The following SGCD variants were observed in gnomAD, a reference collection of about 807,000 sequenced individuals.
SGCD encodes the protein delta-sarcoglycan.
Under a neutral mutation model 36.6 loss-of-function variants are expected in SGCD, and 18 were observed. The ratio of observed to expected loss-of-function variants is 0.49; its 90% CI spans 0.34 to 0.73. The LOEUF is 0.73. Ranked by LOEUF, SGCD falls within the 30% of genes least tolerant of loss-of-function variation. The pLI, the probability that SGCD is intolerant of heterozygous loss-of-function variation, is 0.01. For missense variants in SGCD, 387 were observed against 346.7 expected (o/e 1.12, Z -0.92); for synonymous variants, 133 against 130.6 (o/e 1.02, Z -0.12).
chr5:155,847,203 C>G, the SGCD span, among the ~76,000 whole-genome samples: 1 of 152,132 alleles, frequency 6.6e-6, no homozygotes, highest in East Asian at 1.9e-4. Context: ...TCATGTAATT[C>G]TTAAAACAGC....
intron 1 of SGCD, among the ~76,000 whole-genome samples, chr5:155,986,239 T>A (rs1028211023): frequency 2.0e-5 from 3 of 152,208 alleles, no homozygotes; most frequent in African/African-American, 7.2e-5. Context: ...TCACTTAAAA[T>A]ATCCATTTGC....
chr5:156,465,330 G>T (rs750324768), intron 3 of SGCD, among the ~76,000 whole-genome samples: 8 of 152,166 alleles, frequency 5.3e-5, no homozygotes, highest in Non-Finnish European at 8.8e-5. Flanking sequence ...TGGTGCTGAT[G>T]CTGCTGATCC....
At chr5:156,162,065 A>G (rs1763098961) in intron 3 of SGCD, among the ~76,000 whole-genome samples, 1 of 137,810 alleles carries the variant, frequency 7.3e-6, no homozygotes, top group Non-Finnish European at 1.6e-5. Flanking sequence ...AGGAAACAGA[A>G]TGTGTGACAG....
At chr5:155,804,085 C>T in the SGCD span, among the ~76,000 whole-genome samples, 1 of 152,190 alleles carries the variant, frequency 6.6e-6, no homozygotes, top group African/African-American at 2.4e-5. Context: ...GTAGTGAGAA[C>T]AGAGGCAGGA....
chr5:155,927,165 T>C (rs1757009998), intron 1 of SGCD, among the ~76,000 whole-genome samples: 1 of 152,222 alleles, frequency 6.6e-6, no homozygotes, highest in Admixed American at 6.5e-5. Flanking sequence ...ATAGTATCCA[T>C]TTCTAACGGT....
At chr5:155,802,070 G>C in the SGCD span, among the ~76,000 whole-genome samples, 1 of 152,172 alleles carries the variant, frequency 6.6e-6, no homozygotes, top group Non-Finnish European at 1.5e-5. Context: ...ATCAAAAGTG[G>C]ACGCCTGACC....
At chr5:155,770,110 G>A in the SGCD span, among the ~76,000 whole-genome samples, 7 of 151,894 alleles carry the variant, frequency 4.6e-5, no homozygotes, top group East Asian at 1.9e-4. Flanking sequence ...ACCTGGTATC[G>A]TGCTGGGTGC....
chr5:155,838,472 C>T, the SGCD span, among the ~76,000 whole-genome samples: 2 of 152,016 alleles, frequency 1.3e-5, no homozygotes, highest in East Asian at 3.9e-4. Flanking sequence ...ATATATTTTG[C>T]CCCCGTGTCA....
At chr5:155,999,831 C>T (rs1351786470) in intron 1 of SGCD, among the ~76,000 whole-genome samples, 3 of 152,154 alleles carry the variant, frequency 2.0e-5, no homozygotes, top group Non-Finnish European at 2.9e-5. Flanking sequence ...AACAAAAACA[C>T]ATTGACTTTT....
chr5:156,129,945 G>T (rs1360560898), intron 3 of SGCD, among the ~76,000 whole-genome samples: 1 of 152,142 alleles, frequency 6.6e-6, no homozygotes, highest in Non-Finnish European at 1.5e-5. Context: ...GTGCTGCAAT[G>T]AACATTCATG....
chr5:156,607,394 GC>G (rs1761521519), intron 6 of SGCD, among the ~76,000 whole-genome samples: 1 of 152,188 alleles, frequency 6.6e-6, no homozygotes, highest in African/African-American at 2.4e-5. Context: ...CAGGGATGAA[GC>G]CCACTTGATC....
chr5:155,835,868 T>A, the SGCD span, among the ~76,000 whole-genome samples: 1 of 152,146 alleles, frequency 6.6e-6, no homozygotes, highest in African/African-American at 2.4e-5. Flanking sequence ...TGTGATGAAA[T>A]CCTGTGCCGT....
At chr5:156,357,898 G>A (rs1327547072) in intron 3 of SGCD, among the ~76,000 whole-genome samples, 1 of 152,138 alleles carries the variant, frequency 6.6e-6, no homozygotes, top group Non-Finnish European at 1.5e-5. Context: ...GAATAAATAA[G>A]AATGAGCAAT....
rs1235780259 is a variant in SGCD, at chr5:156,283,377, C to T, written c.-43-46157C>T. 2.0e-5 allele frequency among the ~76,000 whole-genome samples: 3 copies of T among 152,196 alleles called. No homozygotes were observed. The East Asian group carries it at 5.8e-4, about 29-fold the overall frequency. ...ATCAGTCATACCCAGAATGATAACA[C>T]TGAAGTTTAACCATATTTCTGCTGG... On this transcript the variant is annotated intron_variant, in intron 3 of 9. Transcript: ENST00000517913.
intron 1 of SGCD, among the ~76,000 whole-genome samples, chr5:155,974,389 TG>T (rs1758067820): frequency 6.6e-6 from 1 of 151,974 alleles, no homozygotes; most frequent in Non-Finnish European, 1.5e-5. Context: ...GAGTGAGGTA[TG>T]GGAGCATAGT....
rs186000152 is a variant in SGCD at position 156,367,194 on chromosome 5, C to A, written c.192+22517C>A. The stretch of plus-strand genomic sequence containing the variant: ...GTTGAGAAACACATAAGATGTTTAT[C>A]TAAAATTCAGTATCTAAAATGCCAG... On this transcript the variant is annotated intron_variant, in intron 3 of 8. Transcript: ENST00000337851. 1.4e-3 allele frequency among the ~76,000 whole-genome samples: 219 copies of A among 152,202 alleles called. 2 individuals carry two copies. Among genetic ancestry groups the A allele is most frequent in the Non-Finnish European group, 2.7e-3 (182 of 68,006 alleles).
the SGCD span, among the ~76,000 whole-genome samples, chr5:155,728,153 G>T: frequency 6.6e-6 from 1 of 152,108 alleles, no homozygotes; most frequent in Non-Finnish European, 1.5e-5. Context: ...TCTAACGCGC[G>T]ACTGTGCAGC....
rs1238181922 is a variant in SGCD at position 156,595,085 on chromosome 5, G to A, written c.502+34G>A. The A allele has an allele frequency of 4.4e-6, 7 of 1,588,926 alleles. No individual in the cohort carries two copies. The Admixed American group carries it at 1.3e-4, about 28-fold the overall frequency. Reference sequence around the variant, plus strand: ...ACTTGAATCATTTAACTTGTTTGATGCTACTGTGTACATTTTAGAGGAGAA... The same window carrying A: ...ACTTGAATCATTTAACTTGTTTGATACTACTGTGTACATTTTAGAGGAGAA... On this transcript the variant is annotated intron_variant, in intron 6 of 8. Coordinates refer to ENST00000337851, the MANE Select transcript of SGCD (RefSeq NM_000337.6).
rs375885246 is a variant in SGCD, at chr5:155,985,007, G to C, written c.-282+114583G>C. On this transcript the variant is annotated intron_variant, in intron 1 of 9. Coordinates refer to the SGCD transcript ENST00000517913. ...GAGTAGTTGAGGTGCTCCAAAAATA[G>C]ATACTGGGTGGATGGATTGAAATAA... Among the ~76,000 whole-genome samples, 9 of 152,330 alleles carry C rather than the reference G, an allele frequency of 5.9e-5. No homozygotes were observed. In the South Asian group the frequency reaches 1.7e-3, roughly 28 times the overall value.
Sources: gnomAD v4.1 joint callset for allele counts (sites outside exome capture counted in the v4.1 genomes callset) on GRCh38, gnomAD v4.1.1 for gene constraint, MANE v1.5 for transcripts, NCBI Gene and HGNC (gene_info 2026-07-23, HGNC 2026-07-21) for gene names.